Variants in MAP7 observed in about 807,000 individuals in gnomAD.
The protein encoded by MAP7 is microtubule associated protein 7.
A neutral mutation model predicts 94.8 loss-of-function variants in MAP7; 52 were observed. The ratio of observed to expected loss-of-function variants is 0.55; its 90% CI spans 0.44 to 0.69. The LOEUF is 0.69. Among genes scored for constraint, MAP7 ranks in the 30% least tolerant of loss-of-function variants. The probability of loss-of-function intolerance (pLI) is 0.00; values close to 1 mark genes in which losing one functional copy is unlikely to be tolerated. For missense variants in MAP7, 940 were observed against 964.6 expected (o/e 0.97, Z 0.34); for synonymous variants, 350 against 357.0 (o/e 0.98, Z 0.22).
intron 1 of MAP7, among the ~76,000 whole-genome samples, chr6:136,432,393 A>G (rs1311213065): frequency 6.6e-6 from 1 of 152,228 alleles, no homozygotes; most frequent in Admixed American, 6.5e-5. Flanking sequence ...AAAGCAGAGC[A>G]GCTTTAGATT....
At chr6:136,544,055 C>T (rs979205899) in intron 1 of MAP7, among the ~76,000 whole-genome samples, 12 of 152,060 alleles carry the variant, frequency 7.9e-5, no homozygotes, top group Middle Eastern at 3.4e-3. Flanking sequence ...CTGTGTAGTT[C>T]GGATTACAGA....
At chr6:136,374,321 C>G (rs1245690730) in intron 7 of MAP7, among the ~76,000 whole-genome samples, 1 of 152,198 alleles carries the variant, frequency 6.6e-6, no homozygotes, top group Admixed American at 6.5e-5. Context: ...AGCGCCACAA[C>G]AAGGCATTTG....
At chr6:136,433,419 G>A (rs1286533034) in intron 1 of MAP7, among the ~76,000 whole-genome samples, 1 of 152,148 alleles carries the variant, frequency 6.6e-6, no homozygotes, top group Non-Finnish European at 1.5e-5. Context: ...CTGATCCCTT[G>A]CTCCCAGAGT....
chr6:136,393,910 GA>G (rs1304876887), intron 3 of MAP7, among the ~76,000 whole-genome samples: 1 of 149,360 alleles, frequency 6.7e-6, no homozygotes, highest in African/African-American at 2.5e-5. Flanking sequence ...TGAGTGCTGG[GA>G]TTACAGGCCT....
intron 6 of MAP7, among the ~76,000 whole-genome samples, chr6:136,381,919 C>CACACAGAGAG (rs373754692): frequency 3.9e-5 from 4 of 102,974 alleles, no homozygotes; most frequent in African/African-American, 7.7e-5. Context: ...CACACACACA[C>CACACAGAGAG]AGAGAGAGAG....
intron 8 of MAP7, among the ~76,000 whole-genome samples, chr6:136,369,734 G>A (rs1328433900): frequency 3.9e-5 from 6 of 152,252 alleles, no homozygotes; most frequent in African/African-American, 1.4e-4. Flanking sequence ...AATGAAGTTG[G>A]ACTCTTACCT....
intron 1 of MAP7, among the ~76,000 whole-genome samples, chr6:136,540,628 A>C (rs1829232181): frequency 6.6e-6 from 1 of 152,220 alleles, no homozygotes; most frequent in African/African-American, 2.4e-5. Flanking sequence ...GACTTAGGGC[A>C]ATTGCTATTA....
At chr6:136,522,613 T>C (rs1826719437) in intron 1 of MAP7, among the ~76,000 whole-genome samples, 3 of 152,086 alleles carry the variant, frequency 2.0e-5, no homozygotes, top group African/African-American at 4.8e-5. Context: ...CAGGTTTGGG[T>C]ATGGTTGGCA....
At chr6:136,416,475 C>G (rs1286351232) in intron 2 of MAP7, among the ~76,000 whole-genome samples, 1 of 152,084 alleles carries the variant, frequency 6.6e-6, no homozygotes, top group East Asian at 1.9e-4. Context: ...TTATTTTCCC[C>G]TGAAACAAAA....
At position 136,379,962 on chromosome 6, in the gene MAP7, T is replaced by G. The variant is rs142427926; in HGVS notation, c.638-2094A>C. Among the ~76,000 whole-genome samples, 152 of 152,314 alleles carry G rather than the reference T, an allele frequency of 1.0e-3. 1 individual carries two copies. Among genetic ancestry groups the G allele is most frequent in the African/African-American group, 3.5e-3 (146 of 41,568 alleles). Reference sequence around the variant, plus strand: ...ACAGAGCGTCCGTAAGATAACTTTTTAGTAAAGGTTAATAAAGGAGAATTG... The same window carrying G: ...ACAGAGCGTCCGTAAGATAACTTTTGAGTAAAGGTTAATAAAGGAGAATTG... On this transcript the variant is annotated intron_variant, in intron 6 of 17. Transcript: ENST00000354570.
chr6:136,461,257 A>G (rs936299525), intron 1 of MAP7, among the ~76,000 whole-genome samples: 1 of 152,218 alleles, frequency 6.6e-6, no homozygotes, highest in Admixed American at 6.5e-5. Flanking sequence ...ATTTGAATCC[A>G]AACAAAAATC....
chr6:136,458,963 C>A lies in MAP7; in HGVS notation c.68-37164G>T, dbSNP rs75413832. On this transcript the variant is annotated intron_variant, in intron 1 of 17. Transcript: ENST00000354570. ...GAAATCAACAGAGTAAAAAGGCAAC[C>A]TACAAAATGGGGAGAAAATAATTGC... 1.1e-3 allele frequency among the ~76,000 whole-genome samples: 166 copies of A among 152,072 alleles called. 2 individuals carry two copies. The highest frequency in any genetic ancestry group is 4.0e-3 in the African/African-American group (164 of 41,506).
At chr6:136,482,684 A>T (rs764175695) in intron 1 of MAP7, among the ~76,000 whole-genome samples, 1 of 152,084 alleles carries the variant, frequency 6.6e-6, no homozygotes, top group Non-Finnish European at 1.5e-5. Context: ...CTAGATGCCC[A>T]TCAATGGTAG....
chr6:136,475,526 A>C (rs1810583756), intron 1 of MAP7, among the ~76,000 whole-genome samples: 1 of 152,216 alleles, frequency 6.6e-6, no homozygotes, highest in East Asian at 1.9e-4. Flanking sequence ...AACTACTGAG[A>C]GCAGATCAGC....
chr6:136,417,666 A>G (rs897438738), intron 2 of MAP7, among the ~76,000 whole-genome samples: 11 of 152,186 alleles, frequency 7.2e-5, no homozygotes, highest in African/African-American at 2.7e-4. Flanking sequence ...AATAGATATG[A>G]CTAATGAAGA....
At chr6:136,480,118 A>G (rs1360678612) in intron 1 of MAP7, among the ~76,000 whole-genome samples, 3 of 152,208 alleles carry the variant, frequency 2.0e-5, no homozygotes, top group African/African-American at 7.2e-5. Context: ...AGTAACCAAA[A>G]TAGCATGGTA....
intron 1 of MAP7, among the ~76,000 whole-genome samples, chr6:136,451,709 A>G (rs754221071): frequency 6.6e-6 from 1 of 152,216 alleles, no homozygotes; most frequent in Admixed American, 6.5e-5. Flanking sequence ...TGCCATTAAG[A>G]ATACTTTTGA....
intron 1 of MAP7, among the ~76,000 whole-genome samples, chr6:136,505,018 G>A (rs1174203234): frequency 6.6e-6 from 1 of 151,472 alleles, no homozygotes; most frequent in African/African-American, 2.4e-5. Context: ...TGGGTCCTGG[G>A]GTCCATGAGT....
Position 136,356,739 on chromosome 6 carries a change from G to C in MAP7, c.1968C>G (p.Gly656=). The C allele has an allele frequency of 6.2e-7, 1 of 1,614,180 alleles. No individual in the cohort carries two copies. Among genetic ancestry groups the C allele is most frequent in the Non-Finnish European group, 8.5e-7 (1 of 1,180,022 alleles). ...TNAPGNGKPV[G]SPHVVTSHQS... The stretch of plus-strand genomic sequence containing the variant: ...GGTGTGAGGTAACCACATGTGGGCT[G>C]CCAACTGGCTTTCCATTTCCCGGAG... Residue 656 remains glycine (G), a synonymous_variant, in exon 16 of 18, where the codon GGC becomes GGG. Coordinates refer to ENST00000354570, the MANE Select transcript of MAP7 (RefSeq NM_003980.6).
Sources: allele counts gnomAD v4.1 joint callset (sites outside exome capture counted in the v4.1 genomes callset), GRCh38; gene constraint gnomAD v4.1.1; transcripts MANE v1.5; gene names NCBI Gene and HGNC (gene_info 2026-07-23, HGNC 2026-07-21).